Variants in AKT3 observed in about 807,000 individuals in gnomAD.
The protein encoded by AKT3 is AKT serine/threonine kinase 3.
A neutral mutation model predicts 65.3 loss-of-function variants in AKT3; 15 were observed. The ratio of observed to expected loss-of-function variants is 0.23; its 90% CI spans 0.15 to 0.35. AKT3 has a LOEUF of 0.35. Ranked by LOEUF, AKT3 falls within the 10% of genes least tolerant of loss-of-function variation. The pLI is 1.00. For missense variants in AKT3, 243 were observed against 576.5 expected (o/e 0.42, Z 5.92); for synonymous variants, 206 against 183.8 (o/e 1.12, Z -0.98).
chr1:243,785,235 A>ATTT (rs757049231), intron 2 of AKT3, among the ~76,000 whole-genome samples: 29 of 138,928 alleles, frequency 2.1e-4, no homozygotes, highest in African/African-American at 4.5e-4. Context: ...TGCCCAGCTA[A>ATTT]TTTTTTTTTT....
At chr1:243,592,341 A>C (rs111539041) in intron 8 of AKT3, among the ~76,000 whole-genome samples, 1 of 152,078 alleles carries the variant, frequency 6.6e-6, no homozygotes, top group Non-Finnish European at 1.5e-5. Context: ...TCTCAAAAAA[A>C]AAAAAGACAA....
intron 13 of AKT3, chr1:243,489,171 TC>T (rs1665755958): frequency 6.2e-7 from 1 of 1,608,118 alleles, no homozygotes; most frequent in Non-Finnish European, 8.5e-7. Flanking sequence ...CAGGTGGGAG[TC>T]CTTGGGCGGG....
intron 12 of AKT3, among the ~76,000 whole-genome samples, chr1:243,528,710 T>C (rs1671322942): frequency 6.6e-6 from 1 of 152,234 alleles, no homozygotes; most frequent in Non-Finnish European, 1.5e-5. Flanking sequence ...ACATTCTTTA[T>C]CCAATCTGTA....
intron 8 of AKT3, among the ~76,000 whole-genome samples, chr1:243,577,119 C>T (rs926178174): frequency 6.6e-6 from 1 of 152,034 alleles, no homozygotes; most frequent in Non-Finnish European, 1.5e-5. Context: ...CAAAAACAAG[C>T]AATAGGGAAG....
At chr1:243,716,985 T>C (rs1686550988) in intron 2 of AKT3, among the ~76,000 whole-genome samples, 1 of 152,200 alleles carries the variant, frequency 6.6e-6, no homozygotes, top group South Asian at 2.1e-4. Context: ...TCTTTTATCT[T>C]CTTCAGGGAT....
chr1:243,626,741 T>G (rs74965267), intron 6 of AKT3, among the ~76,000 whole-genome samples: 5,387 of 152,252 alleles, frequency 0.035, 112 homozygotes, highest in Middle Eastern at 0.065. Flanking sequence ...AGACAGGATA[T>G]GAGGATGAAA....
intron 12 of AKT3, 86 bp from the exon 13 acceptor site, chr1:243,512,512 T>A (rs370004233): frequency 2.5e-6 from 2 of 796,198 alleles, no homozygotes; most frequent in Non-Finnish European, 2.0e-6. Context: ...AGCACGTAGT[T>A]AAATGAACAG....
chr1:243,572,839 C>T (rs1358233132), intron 9 of AKT3, 87 bp downstream of exon 9: 1 of 1,330,468 alleles, frequency 7.5e-7, no homozygotes, highest in Non-Finnish European at 9.9e-7. Flanking sequence ...CTGCTTTTCT[C>T]AAAACTGTAT....
intron 2 of AKT3, among the ~76,000 whole-genome samples, chr1:243,758,065 C>A (rs1001601071): frequency 2.0e-5 from 3 of 152,156 alleles, no homozygotes; most frequent in Non-Finnish European, 2.9e-5. Context: ...ACCCAGCTAT[C>A]TAATTAACAC....
At chr1:243,666,911 G>A (rs946085747) in intron 3 of AKT3, among the ~76,000 whole-genome samples, 5 of 152,220 alleles carry the variant, frequency 3.3e-5, no homozygotes, top group African/African-American at 4.8e-5. Flanking sequence ...CAAAAACTAA[G>A]AGCATCCAGA....
At chr1:243,825,728 A>T (rs1036273008) in intron 2 of AKT3, among the ~76,000 whole-genome samples, 3 of 152,228 alleles carry the variant, frequency 2.0e-5, no homozygotes, top group African/African-American at 7.2e-5. Context: ...ATTACCGGCT[A>T]CAAACAGGAA....
intron 6 of AKT3, among the ~76,000 whole-genome samples, chr1:243,620,923 C>T (rs925930804): frequency 6.6e-6 from 1 of 152,046 alleles, no homozygotes; most frequent in Non-Finnish European, 1.5e-5. Flanking sequence ...GGGACAAGTT[C>T]ATCTCTACCC....
chr1:243,625,122 G>GT (rs1679054726), intron 6 of AKT3: 1 of 122,328 alleles, frequency 8.2e-6, no homozygotes, highest in Non-Finnish European at 1.5e-5. Flanking sequence ...ACTGCAGTTT[G>GT]TGTTTTTTTT....
intron 12 of AKT3, among the ~76,000 whole-genome samples, chr1:243,521,677 A>G (rs1214712430): frequency 1.3e-5 from 2 of 152,250 alleles, no homozygotes; most frequent in African/African-American, 2.4e-5. Context: ...CCCAAGGTAT[A>G]TAACAAATTA....
intron 12 of AKT3, among the ~76,000 whole-genome samples, chr1:243,533,976 C>G (rs930576244): frequency 6.6e-6 from 1 of 151,962 alleles, no homozygotes; most frequent in East Asian, 1.9e-4. Context: ...GGCAACAGAG[C>G]GAGACTCCGT....
At chr1:243,734,550 G>A (rs1018309782) in intron 2 of AKT3, among the ~76,000 whole-genome samples, 5 of 151,816 alleles carry the variant, frequency 3.3e-5, no homozygotes, top group Admixed American at 1.3e-4. Flanking sequence ...ACAGTACACA[G>A]GGTAAAAAAA....
intron 7 of AKT3, among the ~76,000 whole-genome samples, chr1:243,614,113 A>C (rs1678106542): frequency 6.6e-6 from 1 of 152,204 alleles, no homozygotes; most frequent in Admixed American, 6.5e-5. Flanking sequence ...TTAGGAATGT[A>C]GCTACGGTTG....
chr1:243,646,031 T>A lies in AKT3; in HGVS notation c.291A>T (p.Glu97Asp). ...CTACAGCCTGGATAGCTTCTGTCCA[T>A]TCTTCCCTATAAAAATGAGTAAAAT... is the stretch of plus-strand genomic sequence containing the variant. The part of the protein sequence containing the change: ...FHVDTPEERE[E>D]WTEAIQAVAD... The change falls in exon 5 of 14, where the codon GAA becomes GAT. Residue 97 changes from glutamate to aspartate, a missense_variant. Glu to Asp is a conservative substitution (Grantham distance 45). Around this residue, in one of 6 missense-constraint regions of AKT3, gnomAD observed 72 missense variants for 86.0 expected, o/e 0.84. Transcript: ENST00000673466. 5 of 1,593,886 alleles carry A rather than the reference T, an allele frequency of 3.1e-6. No individual in the cohort carries two copies. The highest frequency in any genetic ancestry group is 4.3e-6 in the Non-Finnish European group (5 of 1,174,204).
chr1:243,621,986 CCA>C (rs1678787457), intron 6 of AKT3, among the ~76,000 whole-genome samples: 1 of 152,170 alleles, frequency 6.6e-6, no homozygotes, highest in African/African-American at 2.4e-5. Context: ...TGCTTCCAAT[CCA>C]CAGTCTATTG....
Sources: allele counts gnomAD v4.1 joint callset (sites outside exome capture counted in the v4.1 genomes callset), GRCh38; gene constraint gnomAD v4.1.1; regional missense constraint gnomAD v4.1.1; transcripts MANE v1.5; gene names NCBI Gene and HGNC (gene_info 2026-07-23, HGNC 2026-07-21).